Variants in C9orf152 observed in about 807,000 individuals in gnomAD.
C9orf152 encodes chromosome 9 open reading frame 152.
In C9orf152, 8 loss-of-function variants were observed where a neutral mutation model predicts 8.5. The observed-to-expected ratio is 0.94, with a 90% CI of 0.55 to 1.70. The LOEUF (loss-of-function observed/expected upper bound fraction) is 1.70. Among genes scored for constraint, C9orf152 ranks in the 40% most tolerant of loss-of-function variants. The pLI, the probability that C9orf152 is intolerant of heterozygous loss-of-function variation, is 0.00. For synonymous variants in C9orf152, 109 were observed against 113.0 expected (o/e 0.96, Z 0.22); for missense variants, 293 against 286.2 (o/e 1.02, Z -0.17).
At chr9:110,207,338 A>C (rs777872952) in intron 1 of C9orf152, 49 bp downstream of exon 1, 1 of 1,572,228 alleles carries the variant, frequency 6.4e-7, no homozygotes, top group East Asian at 2.3e-5. Context: ...TCTGCCACTC[A>C]GGTCTCCCAT....
rs535640228 is a variant in C9orf152 at position 110,205,258 on chromosome 9, TACAAAAAGCCTTTTTCTCC to T, written c.193+2110_193+2128del. Reference sequence around the variant, plus strand: ...ATTCAAAAACAAGTTCATCTCTCTCTACAAAAAGCCTTTTTCTCCACAAAAAGCCTTTTTCTCCTGTATT... The same window carrying T: ...ATTCAAAAACAAGTTCATCTCTCTCTACAAAAAGCCTTTTTCTCCTGTATT... On this transcript the variant is annotated intron_variant, in intron 1 of 1. Coordinates refer to ENST00000400613, the MANE Select transcript of C9orf152 (RefSeq NM_001012993.3). Among the ~76,000 whole-genome samples the T allele has an allele frequency of 5.8e-3, 884 of 152,326 alleles. 1 individual carries two copies. Among genetic ancestry groups the T allele is most frequent in the Non-Finnish European group, 9.4e-3 (642 of 68,024 alleles).
intron 1 of C9orf152, 74 bp downstream of exon 1, chr9:110,207,313 C>T: frequency 2.0e-6 from 3 of 1,512,370 alleles, no homozygotes; most frequent in Non-Finnish European, 2.7e-6. Flanking sequence ...AGCCCTGGCT[C>T]TGCCTCCCTG....
Position 110,207,821 on chromosome 9 carries a change from A to G in C9orf152, c.-242T>C, listed in dbSNP as rs1246017938. 17 of 469,878 alleles carry G rather than the reference A, an allele frequency of 3.6e-5. No individual in the cohort carries two copies. In the East Asian group the frequency reaches 6.5e-4, roughly 18 times the overall value. 29.1% of individuals were successfully genotyped at this position (469,878 alleles called of 1,614,324 possible). Reference sequence around the variant, plus strand: ...TGGGAGACAGTGGCAGTAAGAGGAGAAGGAAATGTCAGAGGAAAGAAGGGG... The same window carrying G: ...TGGGAGACAGTGGCAGTAAGAGGAGGAGGAAATGTCAGAGGAAAGAAGGGG... On this transcript the variant is annotated 5_prime_UTR_variant, in exon 1 of 2. Coordinates refer to ENST00000400613, the MANE Select transcript of C9orf152 (RefSeq NM_001012993.3).
At chr9:110,206,626 C>A (rs1837276638) in intron 1 of C9orf152, among the ~76,000 whole-genome samples, 2 of 152,216 alleles carry the variant, frequency 1.3e-5, no homozygotes, top group African/African-American at 4.8e-5. Flanking sequence ...AGAGAGGTCC[C>A]TCTGGCCCCT....
intron 1 of C9orf152, among the ~76,000 whole-genome samples, chr9:110,206,985 G>A (rs1052000314): frequency 6.6e-6 from 1 of 152,222 alleles, no homozygotes; most frequent in Non-Finnish European, 1.5e-5. Context: ...CTCTGGCCCA[G>A]ACAGTTCCCA....
In C9orf152 at chr9:110,201,219, C is replaced by T. The variant is rs781225120; in HGVS notation, c.449G>A (p.Arg150Lys). ...HRGKLVGSDQ[R>K]LPPEGDTHLF... ...GTGTGTGTCTCCTTCAGGAGGGAGCCTTTGATCAGATCCCACAAGCTTGCC... is the reference window on the plus strand; with the variant it reads ...GTGTGTGTCTCCTTCAGGAGGGAGCTTTTGATCAGATCCCACAAGCTTGCC... Residue 150 changes from arginine to lysine, a missense_variant, in exon 2 of 2, where the codon AGG becomes AAG. Arg to Lys is a conservative substitution (Grantham distance 26). Transcript: ENST00000400613. 1.2e-5 allele frequency: 19 copies of T among 1,614,138 alleles called. No homozygotes were observed. In the Admixed American group the frequency reaches 1.8e-4, roughly 16 times the overall value.
intron 1 of C9orf152, among the ~76,000 whole-genome samples, chr9:110,206,800 G>A (rs2118506399): frequency 6.6e-6 from 1 of 152,336 alleles, no homozygotes; most frequent in South Asian, 2.1e-4. Context: ...GATTTGACAT[G>A]CCCTTGCTTT....
rs774651247 is a variant in C9orf152 at position 110,201,057 on chromosome 9, A to T, written c.611T>A (p.Ile204Lys). The T allele has an allele frequency of 6.2e-7, 1 of 1,614,186 alleles. No individual in the cohort carries two copies. Reference sequence around the variant, plus strand: ...TTTGCCAGACCTGTGTGGGTTCTTTATGGAAAGAGGACATTGAGTGCTGAA... The same window carrying T: ...TTTGCCAGACCTGTGTGGGTTCTTTTTGGAAAGAGGACATTGAGTGCTGAA... ...LKFSTQCPLS[I>K]KNPHRSGKPA... Residue 204 changes from isoleucine to lysine, a missense_variant, in exon 2 of 2, where the codon ATA (isoleucine) becomes AAA (lysine). Physicochemically the swap from Ile to Lys is moderately radical, Grantham distance 102 (BLOSUM62 -3). Transcript: ENST00000400613.
Position 110,200,127 on chromosome 9 carries a change from G to T in C9orf152, c.*821C>A, listed in dbSNP as rs1382960098. 1 of 147,694 alleles carries T rather than the reference G, an allele frequency of 6.8e-6. No homozygotes were observed. Among genetic ancestry groups the T allele is most frequent in the Non-Finnish European group, 1.5e-5 (1 of 67,038 alleles). 9.1% of individuals were successfully genotyped at this position (147,694 alleles called of 1,614,324 possible). ...AGAGAGAGAGAGAGAGAAAAGATAG[G>T]CAGGAAGGCAGGAAAGAAGGCAAGA... is the stretch of plus-strand genomic sequence containing the variant. On this transcript the variant is annotated 3_prime_UTR_variant, in exon 2 of 2. Coordinates refer to ENST00000400613, the MANE Select transcript of C9orf152 (RefSeq NM_001012993.3).
In C9orf152 at chr9:110,200,976, C is replaced by T. The variant is rs1258110995; in HGVS notation, c.692G>A (p.Arg231Gln). The change falls in exon 2 of 2, where the codon CGG (arginine) becomes CAG (glutamine). Residue 231 changes from arginine (R) to glutamine (Q), a missense_variant. Physicochemically the swap from Arg to Gln is conservative, Grantham distance 43. Coordinates refer to ENST00000400613, the MANE Select transcript of C9orf152 (RefSeq NM_001012993.3). ...RKTPRISQAA[R>Q]NLGLYGSA ...CGCTGAGCCATATAAGCCCAGGTTC[C>T]GGGCAGCTTGGGAGATCCTGGGTGT... The T allele has an allele frequency of 1.9e-5, 30 of 1,612,534 alleles. No homozygotes were observed. Among genetic ancestry groups the T allele is most frequent in the Middle Eastern group, 1.6e-4 (1 of 6,080 alleles).
At chr9:110,205,555 T>G (rs10980253) in intron 1 of C9orf152, among the ~76,000 whole-genome samples, 32,003 of 152,182 alleles carry the variant, frequency 0.21, 3,897 homozygotes, top group Middle Eastern at 0.28. Context: ...ACATATTAGT[T>G]CATTTTATTC....
At chr9:110,202,126 G>A (rs961780475) in intron 1 of C9orf152, among the ~76,000 whole-genome samples, 1 of 152,086 alleles carries the variant, frequency 6.6e-6, no homozygotes, top group African/African-American at 2.4e-5. Context: ...TGTTGCCCAG[G>A]CTGGAGTACA....
intron 1 of C9orf152, among the ~76,000 whole-genome samples, chr9:110,203,259 G>A (rs1322078153): frequency 1.3e-5 from 2 of 152,010 alleles, no homozygotes; most frequent in Non-Finnish European, 2.9e-5. Flanking sequence ...TCCTGACCTT[G>A]TGATCCGCCC....
chr9:110,203,331 CT>C, intron 1 of C9orf152, among the ~76,000 whole-genome samples: 1 of 152,200 alleles, frequency 6.6e-6, no homozygotes, highest in South Asian at 2.1e-4. Flanking sequence ...CCAAAGGAAA[CT>C]TTTATAAATA....
Position 110,201,100 on chromosome 9 carries a change from C to T in C9orf152, c.568G>A (p.Val190Met), listed in dbSNP as rs757496596. 1 of 1,614,230 alleles carries T rather than the reference C, an allele frequency of 6.2e-7. No individual in the cohort carries two copies. The highest frequency in any genetic ancestry group is 1.1e-5 in the South Asian group (1 of 91,090). Residue 190 changes from valine (V) to methionine (M), a missense_variant, in exon 2 of 2, where the codon GTG (valine) becomes ATG (methionine). Transcript: ENST00000400613. ...GTGCTGAATTTTAAGCCAGATTCCACTGCCTTTGTTTGGGTATTGCCCACC... is the reference window on the plus strand; with the variant it reads ...GTGCTGAATTTTAAGCCAGATTCCATTGCCTTTGTTTGGGTATTGCCCACC... Reference protein sequence around the residue: ...CQVGNTQTKAVESGLKFSTQC... With the variant: ...CQVGNTQTKAMESGLKFSTQC...
Position 110,200,003 on chromosome 9 carries a change from G to A in C9orf152, c.*945C>T, listed in dbSNP as rs757833976. On this transcript the variant is annotated 3_prime_UTR_variant, in exon 2 of 2. Transcript: ENST00000400613. ...ACAGGAGGCAGTCTATAGGGAATGT[G>A]TATTTTTCAAGTAGGAGCATTTCTT... 6.6e-6 allele frequency: 1 copy of A among 152,152 alleles called. No individual in the cohort carries two copies. The highest frequency in any genetic ancestry group is 1.5e-5 in the Non-Finnish European group (1 of 68,026). 9.4% of individuals were successfully genotyped at this position (152,152 alleles called of 1,614,324 possible).
rs751094160 is a variant in C9orf152 at position 110,201,214 on chromosome 9, G to A, written c.454C>T (p.Pro152Ser). The change falls in exon 2 of 2, where the codon CCT becomes TCT. Residue 152 changes from proline (P) to serine (S), a missense_variant. Coordinates refer to ENST00000400613, the MANE Select transcript of C9orf152 (RefSeq NM_001012993.3). Reference protein sequence around the residue: ...GKLVGSDQRLPPEGDTHLFET... With the variant: ...GKLVGSDQRLSPEGDTHLFET... Reference sequence around the variant, plus strand: ...AACAAGTGTGTGTCTCCTTCAGGAGGGAGCCTTTGATCAGATCCCACAAGC... The same window carrying A: ...AACAAGTGTGTGTCTCCTTCAGGAGAGAGCCTTTGATCAGATCCCACAAGC... The A allele has an allele frequency of 6.2e-7, 1 of 1,614,152 alleles. No individual in the cohort carries two copies. Among genetic ancestry groups the A allele is most frequent in the East Asian group, 2.2e-5 (1 of 44,864 alleles).
At position 110,207,806 on chromosome 9, in the gene C9orf152, T is replaced by G; in HGVS notation, c.-227A>C. The stretch of plus-strand genomic sequence containing the variant: ...GGGGGAGGAGAAAGGTGGGAGACAG[T>G]GGCAGTAAGAGGAGAAGGAAATGTC... On this transcript the variant is annotated 5_prime_UTR_variant, in exon 1 of 2. Transcript: ENST00000400613. 1.1e-5 allele frequency: 5 copies of G among 474,492 alleles called. No homozygotes were observed. The highest frequency in any genetic ancestry group is 3.7e-5 in the South Asian group (1 of 27,302). 29.4% of individuals were successfully genotyped at this position (474,492 alleles called of 1,614,324 possible).
In C9orf152 at chr9:110,207,566, G is replaced by T; in HGVS notation, c.14C>A (p.Pro5His). The change falls in exon 1 of 2, where the codon CCC becomes CAC. Residue 5 changes from proline to histidine, a missense_variant. Physicochemically the swap from Pro to His is moderately conservative, Grantham distance 77. Transcript: ENST00000400613. ...GTGGGGCAGGGCTGGGCACGGGCAG[G>T]GCAACCCCTCCATCCGGATCCGGGA... MEGL[P>H]CPCPALPHFW... is the part of the protein sequence containing the mutation. 6.3e-7 allele frequency: 1 copy of T among 1,595,582 alleles called. No homozygotes were observed.
Sources: allele counts gnomAD v4.1 joint callset (sites outside exome capture counted in the v4.1 genomes callset), GRCh38; gene constraint gnomAD v4.1.1; transcripts MANE v1.5; gene names NCBI Gene and HGNC (gene_info 2026-07-23, HGNC 2026-07-21).